IPCEF1: variants seen among roughly 807,000 people sequenced by gnomAD.
IPCEF1 encodes the protein interaction protein for cytohesin exchange factors 1.
Under a neutral mutation model 50.9 loss-of-function variants are expected in IPCEF1, and 31 were observed. The observed-to-expected ratio is 0.61, with a 90% CI of 0.46 to 0.82. The LOEUF is 0.82. Ranked by LOEUF, IPCEF1 falls within the 40% of genes least tolerant of loss-of-function variation. The pLI is 0.00. For missense variants in IPCEF1, 458 were observed against 514.0 expected (o/e 0.89, Z 1.05); for synonymous variants, 181 against 192.0 (o/e 0.94, Z 0.47).
intron 1 of IPCEF1, among the ~76,000 whole-genome samples, chr6:154,347,376 T>C (rs2128700613): frequency 6.6e-6 from 1 of 152,302 alleles, no homozygotes. Flanking sequence ...AGGTTTGAAG[T>C]TCCCTGAACC....
intron 11 of IPCEF1, among the ~76,000 whole-genome samples, chr6:154,160,510 A>T (rs892517236): frequency 2.6e-5 from 4 of 152,272 alleles, no homozygotes; most frequent in African/African-American, 9.6e-5. Flanking sequence ...TTTTTAATAA[A>T]TCACATTTAT....
At chr6:154,305,958 TGG>T (rs944307836) in intron 1 of IPCEF1, among the ~76,000 whole-genome samples, 4 of 152,228 alleles carry the variant, frequency 2.6e-5, no homozygotes, top group Non-Finnish European at 5.9e-5. Flanking sequence ...TTTGAGGTTT[TGG>T]GACTTGGACT....
intron 10 of IPCEF1, among the ~76,000 whole-genome samples, chr6:154,188,174 G>T (rs1801549523): frequency 6.6e-6 from 1 of 152,120 alleles, no homozygotes; most frequent in Non-Finnish European, 1.5e-5. Context: ...TCTTAAAAAT[G>T]CATTTTAAAA....
chr6:154,236,578 A>G (rs929264031), intron 5 of IPCEF1, among the ~76,000 whole-genome samples: 36 of 152,238 alleles, frequency 2.4e-4, no homozygotes, highest in Non-Finnish European at 4.0e-4. Flanking sequence ...TTTTAAAGCT[A>G]CTACTCTGAA....
Position 154,158,794 on chromosome 6 carries a change from C to A in IPCEF1, c.*1034G>T, listed in dbSNP as rs951667384. On this transcript the variant is annotated 3_prime_UTR_variant, in exon 12 of 12. Coordinates refer to ENST00000367220, the MANE Select transcript of IPCEF1 (RefSeq NM_001130700.2). Reference sequence around the variant, plus strand: ...TTTTAAACACTAGTAATTTGAACTTCTATAAATATATTTAAATAACAAACA... The same window carrying A: ...TTTTAAACACTAGTAATTTGAACTTATATAAATATATTTAAATAACAAACA... 25 of 152,290 alleles carry A rather than the reference C, an allele frequency of 1.6e-4. 1 individual carries two copies. Among genetic ancestry groups the A allele is most frequent in the Admixed American group, 3.9e-4 (6 of 15,302 alleles). 9.4% of individuals were successfully genotyped at this position (152,290 alleles called of 1,614,324 possible).
Position 154,154,709 on chromosome 6 carries a change from G to A in IPCEF1, c.*5119C>T, listed in dbSNP as rs928231474. ...TTTCAACTTTTTTTTCATGTCATTT[G>A]CCTAGATATATTTTTTTCTTATTTT... On this transcript the variant is annotated 3_prime_UTR_variant, in exon 12 of 12. Transcript: ENST00000367220. 22 of 152,358 alleles carry A rather than the reference G, an allele frequency of 1.4e-4. No individual in the cohort carries two copies. The highest frequency in any genetic ancestry group is 3.9e-4 in the Admixed American group (6 of 15,280). The allele number at this position is 152,358 out of a possible 1,614,324, so 9.4% of individuals were successfully genotyped here.
At chr6:154,229,167 T>C (rs1415406715) in intron 5 of IPCEF1, among the ~76,000 whole-genome samples, 4 of 152,190 alleles carry the variant, frequency 2.6e-5, no homozygotes, top group East Asian at 1.9e-4. Context: ...CTCCAATGGA[T>C]TGTGAGTACC....
chr6:154,180,490 A>G (rs1800771490), intron 10 of IPCEF1, among the ~76,000 whole-genome samples: 2 of 151,208 alleles, frequency 1.3e-5, no homozygotes, highest in African/African-American at 4.9e-5. Context: ...AACAGTTATA[A>G]GTTCACTCCT....
chr6:154,322,557 G>T (rs571290622), intron 1 of IPCEF1, among the ~76,000 whole-genome samples: 1 of 152,200 alleles, frequency 6.6e-6, no homozygotes, highest in East Asian at 1.9e-4. Flanking sequence ...GAAAATGTTG[G>T]CCAGGCGTGT....
chr6:154,271,962 G>A (rs62435673), intron 2 of IPCEF1, among the ~76,000 whole-genome samples: 15,697 of 152,186 alleles, frequency 0.1, 909 homozygotes, highest in Non-Finnish European at 0.12. Flanking sequence ...ACTCCATCCT[G>A]AACAACAGAG....
chr6:154,282,364 G>C (rs13204400), intron 2 of IPCEF1, among the ~76,000 whole-genome samples: 2 of 151,958 alleles, frequency 1.3e-5, no homozygotes, highest in Non-Finnish European at 2.9e-5. Context: ...CGGGACCAGA[G>C]TGGTAGCGAT....
intron 1 of IPCEF1, among the ~76,000 whole-genome samples, chr6:154,321,384 C>G (rs1783370730): frequency 6.6e-6 from 1 of 151,872 alleles, no homozygotes; most frequent in South Asian, 2.1e-4. Context: ...AGTTTTTACT[C>G]ATGAACTTAT....
intron 1 of IPCEF1, among the ~76,000 whole-genome samples, chr6:154,297,592 T>C (rs534368593): frequency 1.3e-4 from 20 of 152,218 alleles, no homozygotes; most frequent in Non-Finnish European, 2.2e-4. Context: ...ATTTGCATTG[T>C]TGTAAGCTTA....
chr6:154,159,737 A>G lies in IPCEF1; in HGVS notation c.*91T>C, dbSNP rs1020953463. Reference sequence around the variant, plus strand: ...GCTGATGCTTGAAGGACTGGGTTTCAGTTTTCCTTTTAAGGAAAAATGTAA... The same window carrying G: ...GCTGATGCTTGAAGGACTGGGTTTCGGTTTTCCTTTTAAGGAAAAATGTAA... On this transcript the variant is annotated 3_prime_UTR_variant, in exon 12 of 12. Coordinates refer to ENST00000367220, the MANE Select transcript of IPCEF1 (RefSeq NM_001130700.2). 1.5e-5 allele frequency: 15 copies of G among 974,326 alleles called. No homozygotes were observed. The highest frequency in any genetic ancestry group is 5.2e-5 in the Admixed American group (2 of 38,746). The allele number at this position is 974,326 out of a possible 1,614,324, so 60.4% of individuals were successfully genotyped here. A position where few individuals can be genotyped will look rare whatever the true frequency, so the allele number is the denominator to read the frequency against.
chr6:154,347,942 T>G lies in IPCEF1; in HGVS notation c.-62+8730A>C, dbSNP rs550827487. On this transcript the variant is annotated intron_variant, in intron 1 of 11. Transcript: ENST00000367220. ...AGAGGATGCAATGCCCGGTGGAAAT[T>G]ACTACACCCCATGTCTAGGACCCTG... Among the ~76,000 whole-genome samples, 3 of 152,246 alleles carry G rather than the reference T, an allele frequency of 2.0e-5. No individual in the cohort carries two copies. The East Asian group carries it at 5.8e-4, about 29-fold the overall frequency.
intron 1 of IPCEF1, among the ~76,000 whole-genome samples, chr6:154,296,976 T>C (rs1432272039): frequency 6.6e-6 from 1 of 152,140 alleles, no homozygotes; most frequent in Non-Finnish European, 1.5e-5. Flanking sequence ...AAATGTGCGA[T>C]ATAAGATGAC....
Position 154,168,171 on chromosome 6 carries a change from G to A in IPCEF1, c.911-58C>T, listed in dbSNP as rs1799583781. The A allele has an allele frequency of 7.4e-7, 1 of 1,343,026 alleles. No individual in the cohort carries two copies. The allele number at this position is 1,343,026 out of a possible 1,614,324, so 83.2% of individuals were successfully genotyped here. On this transcript the variant is annotated intron_variant, in intron 10 of 11. Transcript: ENST00000367220. The surrounding 1 kb of genome is among the most constrained non-coding windows in gnomAD (Gnocchi z 4.1). ...TAAACCCAGTGAAAAATCAAGGAGAGAACATTCAATACTGTGGTCCCAAGG... is the reference window on the plus strand; with the variant it reads ...TAAACCCAGTGAAAAATCAAGGAGAAAACATTCAATACTGTGGTCCCAAGG...
chr6:154,249,908 GC>G (rs1308479972), intron 3 of IPCEF1, among the ~76,000 whole-genome samples: 1 of 42,094 alleles, frequency 2.4e-5, no homozygotes, highest in Non-Finnish European at 5.7e-5. Flanking sequence ...TCAAAGAAAG[GC>G]TTTTTTTTTG....
intron 10 of IPCEF1, among the ~76,000 whole-genome samples, chr6:154,187,426 G>A (rs1801485613): frequency 6.6e-6 from 1 of 152,116 alleles, no homozygotes; most frequent in South Asian, 2.1e-4. Flanking sequence ...TTTTTGCCCA[G>A]CTCATGGCAT....
Sources: allele counts gnomAD v4.1 joint callset (sites outside exome capture counted in the v4.1 genomes callset), GRCh38; gene constraint gnomAD v4.1.1; non-coding constraint Gnocchi (gnomAD v3.1); transcripts MANE v1.5; gene names NCBI Gene and HGNC (gene_info 2026-07-23, HGNC 2026-07-21).